The following AKAP12 variants were observed in gnomAD, a reference collection of about 807,000 sequenced individuals.
AKAP12 encodes the protein A-kinase anchor protein 12.
A neutral mutation model predicts 79.9 loss-of-function variants in AKAP12; 32 were observed. The ratio of observed to expected loss-of-function variants is 0.40; its 90% confidence interval spans 0.30 to 0.54. AKAP12 has a LOEUF of 0.54. Ranked by LOEUF, AKAP12 falls within the 20% of genes least tolerant of loss-of-function variation. The probability of loss-of-function intolerance (pLI) is 0.48; values close to 1 mark genes in which losing one functional copy is unlikely to be tolerated. For missense variants in AKAP12, 2,074 were observed against 2,177.0 expected, an observed-to-expected ratio of 0.95 and a Z score of 0.94; for synonymous variants, 808 against 857.0, an observed-to-expected ratio of 0.94 and a Z score of 1.00.
chr6:151,332,527 G>T (rs748412273), intron 3 of AKAP12, among the ~76,000 whole-genome samples: 1 of 152,176 alleles, frequency 6.6e-6, no homozygotes, highest in Non-Finnish European at 1.5e-5. Context: ...CAGAAGAAGG[G>T]TATAGAAATA....
At chr6:151,264,552 T>A (rs1008375651) in intron 2 of AKAP12, among the ~76,000 whole-genome samples, 1 of 151,134 alleles carries the variant, frequency 6.6e-6, no homozygotes, top group African/African-American at 2.4e-5. Context: ...GCATCTGTAA[T>A]CCCAGCTACT....
intron 2 of AKAP12, among the ~76,000 whole-genome samples, chr6:151,266,707 T>C (rs568016214): frequency 6.6e-6 from 1 of 152,268 alleles, no homozygotes; most frequent in African/African-American, 2.4e-5. Flanking sequence ...CATAGCCTTG[T>C]CGAAGATGTT....
intron 3 of AKAP12, among the ~76,000 whole-genome samples, chr6:151,347,064 C>G (rs942602037): frequency 6.6e-6 from 1 of 152,226 alleles, no homozygotes; most frequent in Non-Finnish European, 1.5e-5. Context: ...TGACAATGCA[C>G]ACATTGCACA....
chr6:151,258,796 T>G (rs1390614941), intron 2 of AKAP12, among the ~76,000 whole-genome samples: 2 of 151,248 alleles, frequency 1.3e-5, no homozygotes, highest in Non-Finnish European at 2.9e-5. Flanking sequence ...ACCAGCTAAT[T>G]TTTGTATTTT....
Position 151,353,571 on chromosome 6 carries a change from C to G in AKAP12, c.5180C>G (p.Ser1727Cys). The change falls in exon 4 of 5, where the codon TCC becomes TGC. Residue 1727 changes from serine (S) to cysteine (C), a missense_variant. Physicochemically the swap from Ser to Cys is moderately radical, Grantham distance 112. Transcript: ENST00000402676. Reference protein sequence around the residue: ...TDASGGLTKESPDTNGPKQKE... With the variant: ...TDASGGLTKECPDTNGPKQKE... ...GCCTCAGGAGGCTTAACCAAAGAGT[C>G]CCCAGATACAAATGGACCAAAACAA... is the stretch of plus-strand genomic sequence containing the variant. 6.2e-7 allele frequency: 1 copy of G among 1,614,088 alleles called. No homozygotes were observed. Among genetic ancestry groups the G allele is most frequent in the Non-Finnish European group, 8.5e-7 (1 of 1,179,992 alleles).
intron 2 of AKAP12, among the ~76,000 whole-genome samples, chr6:151,286,038 G>C (rs750428398): frequency 2.6e-5 from 4 of 152,010 alleles, no homozygotes; most frequent in Non-Finnish European, 5.9e-5. Context: ...ACCATGCCTG[G>C]GTAATTTTTT....
intron 3 of AKAP12, among the ~76,000 whole-genome samples, chr6:151,322,122 C>T (rs187486937): frequency 6.6e-6 from 1 of 151,860 alleles, no homozygotes; most frequent in African/African-American, 2.4e-5. Context: ...GTTGGCCAGG[C>T]TGGTCTCGAA....
chr6:151,319,455 A>G (rs561620447), intron 3 of AKAP12, among the ~76,000 whole-genome samples: 1 of 144,738 alleles, frequency 6.9e-6, no homozygotes, highest in African/African-American at 2.7e-5. Context: ...CTATCTATCT[A>G]TCTATCTATC....
At chr6:151,326,483 A>C (rs1207034467) in intron 3 of AKAP12, among the ~76,000 whole-genome samples, 4 of 142,622 alleles carry the variant, frequency 2.8e-5, no homozygotes, top group Non-Finnish European at 6.1e-5. Context: ...TTTAGGCAAC[A>C]AATAGTAAAA....
Position 151,351,597 on chromosome 6 carries a change from T to C in AKAP12, c.3206T>C (p.Val1069Ala). The C allele has an allele frequency of 6.2e-7, 1 of 1,614,094 alleles. No individual in the cohort carries two copies. The highest frequency in any genetic ancestry group is 8.5e-7 in the Non-Finnish European group (1 of 1,180,026). Reference protein sequence around the residue: ...TGGPEDVLQPVQRAEAERPEE... With the variant: ...TGGPEDVLQPAQRAEAERPEE... ...GGGCCAGAAGATGTGCTTCAGCCTG[T>C]GCAGAGAGCAGAGGCAGAAAGACCA... Residue 1069 changes from valine (V) to alanine (A), a missense_variant, in exon 4 of 5, where the codon GTG (valine) becomes GCG (alanine). Transcript: ENST00000402676. The surrounding 1 kb of genome is among the most constrained non-coding windows in gnomAD (Gnocchi z 4.4).
intron 2 of AKAP12, among the ~76,000 whole-genome samples, chr6:151,279,294 T>C (rs1216218413): frequency 6.6e-6 from 1 of 152,154 alleles, no homozygotes; most frequent in Non-Finnish European, 1.5e-5. Context: ...TTCTCTGGCA[T>C]GGTTTCTAAT....
intron 2 of AKAP12, among the ~76,000 whole-genome samples, chr6:151,241,986 T>C (rs989205664): frequency 2.0e-5 from 3 of 152,196 alleles, no homozygotes; most frequent in Non-Finnish European, 4.4e-5. Flanking sequence ...TCCCTAGATA[T>C]TAAGTACTAA....
At chr6:151,261,156 C>T (rs1015642762) in intron 2 of AKAP12, among the ~76,000 whole-genome samples, 8 of 151,140 alleles carry the variant, frequency 5.3e-5, no homozygotes, top group Admixed American at 2.0e-4. Flanking sequence ...GGGAGACCAG[C>T]GTGGGTGGGT....
At chr6:151,248,062 A>C (rs1424837924) in intron 2 of AKAP12, among the ~76,000 whole-genome samples, 2 of 151,716 alleles carry the variant, frequency 1.3e-5, no homozygotes, top group Non-Finnish European at 3.0e-5. Context: ...TAAGAAGGAG[A>C]GATTACTGCA....
intron 3 of AKAP12, among the ~76,000 whole-genome samples, chr6:151,331,570 G>A (rs1777666567): frequency 6.6e-6 from 1 of 152,246 alleles, no homozygotes; most frequent in Middle Eastern, 3.4e-3. Context: ...TCCATATCCA[G>A]CCTTTATTTT....
At chr6:151,348,483 A>G (rs1778171743) in intron 3 of AKAP12, 1 of 599,340 alleles carries the variant, frequency 1.7e-6, no homozygotes. Context: ...TACAGAAAAT[A>G]AAAAACTTAG....
rs1055577173 is a variant in AKAP12, at chr6:151,240,708, C to T, written c.146C>T (p.Ser49Leu). The change falls in exon 2 of 5, where the codon TCG (serine) becomes TTG (leucine). Residue 49 changes from serine to leucine, a missense_variant. Coordinates refer to ENST00000402676, the MANE Select transcript of AKAP12 (RefSeq NM_005100.4). ...DTTADPAIAA[S>L]DPATKLLQKN... ...ACCGCGGACCCCGCCATCGCTGCCTCGGACCCCGCCACCAAGGTACGGGCG... is the reference window on the plus strand; with the variant it reads ...ACCGCGGACCCCGCCATCGCTGCCTTGGACCCCGCCACCAAGGTACGGGCG... The T allele has an allele frequency of 2.0e-5, 25 of 1,232,704 alleles. No individual in the cohort carries two copies. The highest frequency in any genetic ancestry group is 5.6e-5 in the South Asian group (2 of 35,812). 76.4% of individuals were successfully genotyped at this position (1,232,704 alleles called of 1,614,324 possible).
At chr6:151,278,957 G>C (rs9397383) in intron 2 of AKAP12, among the ~76,000 whole-genome samples, 1 of 151,998 alleles carries the variant, frequency 6.6e-6, no homozygotes, top group African/African-American at 2.4e-5. Context: ...ATGAGCCACC[G>C]CGCCCGGCGG....
rs574949382 is a variant in AKAP12, at chr6:151,297,527, C to T, written c.163-8220C>T. Among the ~76,000 whole-genome samples, 46 of 147,460 alleles carry T rather than the reference C, an allele frequency of 3.1e-4. No individual in the cohort carries two copies. In the South Asian group the frequency reaches 9.0e-3, roughly 29 times the overall value. On this transcript the variant is annotated intron_variant, in intron 2 of 4. Coordinates refer to ENST00000402676, the MANE Select transcript of AKAP12 (RefSeq NM_005100.4). ...GATGGAAGTTGCAGTGAGCCAAGAT[C>T]GTGCCACTGTACTCCAGCCTGGAGG...
Sources: gnomAD v4.1 joint callset for allele counts (sites outside exome capture counted in the v4.1 genomes callset) on GRCh38, gnomAD v4.1.1 for gene constraint, Gnocchi (gnomAD v3.1) non-coding constraint, MANE v1.5 for transcripts, NCBI Gene and HGNC (gene_info 2026-07-23, HGNC 2026-07-21) for gene names.